The following HMCN1 variants were observed in gnomAD, a reference collection of about 807,000 sequenced individuals.
HMCN1 encodes the protein hemicentin-1.
Under a neutral mutation model 625.9 loss-of-function variants are expected in HMCN1, and 321 were observed. The observed-to-expected ratio is 0.51, with a 90% CI of 0.47 to 0.56. The LOEUF (loss-of-function observed/expected upper bound fraction) is 0.56. HMCN1 is among the 20% of genes least tolerant of loss of function. The pLI is 0.00. For synonymous variants in HMCN1, 2,425 were observed against 2,417.6 expected (o/e 1.00, Z -0.09); for missense variants, 6,588 against 6,887.3 (o/e 0.96, Z 1.54).
chr1:186,023,495 C>A (rs1003554673), intron 36 of HMCN1, among the ~76,000 whole-genome samples: 6 of 152,016 alleles, frequency 3.9e-5, no homozygotes, highest in African/African-American at 1.4e-4. Context: ...ATCTTGTCTG[C>A]GTTTTTCTTG....
rs1490278138 is a variant in HMCN1 at position 186,181,095 on chromosome 1, C to G, written c.16295-1073C>G. On this transcript the variant is annotated intron_variant, in intron 104 of 106. Coordinates refer to ENST00000271588, the MANE Select transcript of HMCN1 (RefSeq NM_031935.3). ...ACTTGGGGGTAGTGTAAAATTCATGCTTGGGAAAGCTCTGTGCTAACAACT... is the reference window on the plus strand; with the variant it reads ...ACTTGGGGGTAGTGTAAAATTCATGGTTGGGAAAGCTCTGTGCTAACAACT... 3.3e-5 allele frequency among the ~76,000 whole-genome samples: 5 copies of G among 152,086 alleles called. No homozygotes were observed. The East Asian group carries it at 9.6e-4, about 29-fold the overall frequency.
In HMCN1 at chr1:186,078,170, C is replaced by T. The variant is rs757396621; in HGVS notation, c.8549C>T (p.Ala2850Val). The T allele has an allele frequency of 5.0e-6, 8 of 1,613,646 alleles. No individual in the cohort carries two copies. Among genetic ancestry groups the T allele is most frequent in the Middle Eastern group, 1.6e-4 (1 of 6,084 alleles). The change falls in exon 55 of 107, where the codon GCT (alanine) becomes GTT (valine). Residue 2850 changes from alanine to valine, a missense_variant. Around this residue, in one of 3 missense-constraint regions of HMCN1, gnomAD observed 4,628 missense variants for 4,853.1 expected, o/e 0.95. Coordinates refer to ENST00000271588, the MANE Select transcript of HMCN1 (RefSeq NM_031935.3). ...VEDAGRYTCV[A>V]VNEAGEDSLQ... ...GATGCTGGGAGATACACATGTGTGG[C>T]TGTGAATGAGGCTGGAGAAGATTCC...
At chr1:186,058,379 G>T (rs997987842) in intron 46 of HMCN1, among the ~76,000 whole-genome samples, 1 of 151,914 alleles carries the variant, frequency 6.6e-6, no homozygotes, top group South Asian at 2.1e-4. Context: ...AATAAGAAAA[G>T]CAAGAGATCG....
chr1:185,961,139 G>A (rs1005679563), intron 11 of HMCN1, among the ~76,000 whole-genome samples: 1 of 152,086 alleles, frequency 6.6e-6, no homozygotes, highest in African/African-American at 2.4e-5. Context: ...AAAGGGGAGG[G>A]GGACAATTGT....
At chr1:185,924,213 ATCTT>A (rs1667149244) in intron 8 of HMCN1, among the ~76,000 whole-genome samples, 1 of 77,622 alleles carries the variant, frequency 1.3e-5, no homozygotes, top group Non-Finnish European at 2.6e-5. Context: ...CTCTGACCCA[ATCTT>A]TTTTTTTTTT....
chr1:185,787,589 C>G (rs893282655), intron 1 of HMCN1, among the ~76,000 whole-genome samples: 9 of 152,178 alleles, frequency 5.9e-5, no homozygotes, highest in Non-Finnish European at 1.2e-4. Flanking sequence ...TTAGCACTTT[C>G]ATTGTCATTT....
chr1:185,956,814 A>G (rs1051780410), intron 11 of HMCN1, among the ~76,000 whole-genome samples: 3 of 152,216 alleles, frequency 2.0e-5, no homozygotes, highest in African/African-American at 7.2e-5. Context: ...GGGGACCCCC[A>G]GTCACCAATC....
At position 186,138,848 on chromosome 1, in the gene HMCN1, A is replaced by C. The variant is rs577921250; in HGVS notation, c.13924+876A>C. 4.5e-4 allele frequency among the ~76,000 whole-genome samples: 68 copies of C among 152,324 alleles called. 3 individuals carry two copies. In the South Asian group the frequency reaches 0.013, roughly 30 times the overall value. ...TGGGTGAACTGTCTACCTAGTGTAA[A>C]GAGTGTTGAGAAAGAAATCATGCAA... On this transcript the variant is annotated intron_variant, in intron 89 of 106. Coordinates refer to ENST00000271588, the MANE Select transcript of HMCN1 (RefSeq NM_031935.3).
intron 41 of HMCN1, among the ~76,000 whole-genome samples, chr1:186,046,911 C>G (rs1656612087): frequency 6.6e-6 from 1 of 152,106 alleles, no homozygotes; most frequent in Non-Finnish European, 1.5e-5. Context: ...ATCAAAAGAT[C>G]AGGTAAGTAA....
chr1:186,087,908 T>G (rs1207233765), intron 60 of HMCN1, 24 bp from the exon 61 acceptor site: 1 of 1,588,516 alleles, frequency 6.3e-7, no homozygotes, highest in Non-Finnish European at 8.6e-7. Flanking sequence ...ATGGAGCACA[T>G]ACAATAGTAT....
At chr1:185,878,437 G>A (rs962487320) in intron 4 of HMCN1, among the ~76,000 whole-genome samples, 1 of 152,124 alleles carries the variant, frequency 6.6e-6, no homozygotes, top group Admixed American at 6.5e-5. Context: ...TTTGTTGAGG[G>A]CTTTTACCAT....
At chr1:185,922,121 T>A (rs931680530) in intron 6 of HMCN1, among the ~76,000 whole-genome samples, 1 of 152,204 alleles carries the variant, frequency 6.6e-6, no homozygotes, top group African/African-American at 2.4e-5. Flanking sequence ...CACTAGTGAC[T>A]AAACCCTTAC....
At chr1:185,992,682 C>T (rs1652508167) in intron 22 of HMCN1, among the ~76,000 whole-genome samples, 1 of 152,120 alleles carries the variant, frequency 6.6e-6, no homozygotes, top group South Asian at 2.1e-4. Flanking sequence ...AATCTTGGTA[C>T]TAGGTAGGTC....
intron 97 of HMCN1, among the ~76,000 whole-genome samples, chr1:186,161,069 G>C (rs1358782933): frequency 6.6e-6 from 1 of 152,088 alleles, no homozygotes; most frequent in Non-Finnish European, 1.5e-5. Context: ...CTCTTTCTAG[G>C]TCTCTAAGGA....
At chr1:185,801,441 A>G (rs1464908726) in intron 1 of HMCN1, among the ~76,000 whole-genome samples, 2 of 152,360 alleles carry the variant, frequency 1.3e-5, no homozygotes, top group East Asian at 3.9e-4. Context: ...TTCAACAAAC[A>G]CTGAGCTTCT....
At position 186,174,498 on chromosome 1, in the gene HMCN1, G is replaced by T; in HGVS notation, c.15815-16G>T. ...GAAAGAGGAAATGTTACTTCTCATT[G>T]CCTCCATGTCTGTAGATATTGATGA... On this transcript the variant is annotated splice_polypyrimidine_tract_variant and intron_variant, in intron 102 of 106. Coordinates refer to ENST00000271588, the MANE Select transcript of HMCN1 (RefSeq NM_031935.3). The T allele has an allele frequency of 4.3e-6, 7 of 1,613,124 alleles. No homozygotes were observed. The highest frequency in any genetic ancestry group is 5.9e-6 in the Non-Finnish European group (7 of 1,179,298).
At chr1:186,022,587 A>G (rs1233981204) in intron 35 of HMCN1, among the ~76,000 whole-genome samples, 1 of 152,166 alleles carries the variant, frequency 6.6e-6, no homozygotes, top group Non-Finnish European at 1.5e-5. Flanking sequence ...GAAGAAATTT[A>G]TCTGCATTCT....
In HMCN1 at chr1:186,069,439, A is replaced by G. The variant is rs922599993; in HGVS notation, c.7880-224A>G. On this transcript the variant is annotated intron_variant, in intron 50 of 106. Coordinates refer to ENST00000271588, the MANE Select transcript of HMCN1 (RefSeq NM_031935.3). ...AAAGGCATGGCAGGTCTGAATGAGC[A>G]TGAGAGTCATCACCACAGAGCACCA... Among the ~76,000 whole-genome samples the G allele has an allele frequency of 4.6e-5, 7 of 152,202 alleles. No homozygotes were observed. In the East Asian group the frequency reaches 1.4e-3, roughly 29 times the overall value.
At chr1:185,956,063 C>T (rs1252109661) in intron 11 of HMCN1, among the ~76,000 whole-genome samples, 2 of 152,124 alleles carry the variant, frequency 1.3e-5, no homozygotes, top group South Asian at 2.1e-4. Context: ...CACTTAATCA[C>T]GTGTTTAGTC....
Sources: gnomAD v4.1 joint callset for allele counts (sites outside exome capture counted in the v4.1 genomes callset) on GRCh38, gnomAD v4.1.1 for gene constraint, gnomAD v4.1.1 regional missense constraint, MANE v1.5 for transcripts, NCBI Gene and HGNC (gene_info 2026-07-23, HGNC 2026-07-21) for gene names.